TANGO6: variants seen among roughly 807,000 people sequenced by gnomAD.
TANGO6 encodes the protein transport and golgi organization 6 homolog.
Under a neutral mutation model 114.2 loss-of-function variants are expected in TANGO6, and 90 were observed. The observed-to-expected ratio is 0.79, with a 90% CI of 0.66 to 0.94. The LOEUF is 0.94. Among genes scored for constraint, TANGO6 ranks in the 40% least tolerant of loss-of-function variants. TANGO6 has a pLI of 0.00. For synonymous variants in TANGO6, 477 were observed against 509.8 expected, an observed-to-expected ratio of 0.94 and a Z score of 0.87; for missense variants, 1,274 against 1,315.3, an observed-to-expected ratio of 0.97 and a Z score of 0.49.
intron 17 of TANGO6, among the ~76,000 whole-genome samples, chr16:69,051,400 G>A (rs1406333502): frequency 6.6e-6 from 1 of 152,100 alleles, no homozygotes; most frequent in Non-Finnish European, 1.5e-5. Flanking sequence ...AAAAGGCTGG[G>A]CACAATGACT....
chr16:68,913,672 G>C (rs1476472946), intron 11 of TANGO6, among the ~76,000 whole-genome samples: 3 of 151,786 alleles, frequency 2.0e-5, no homozygotes, highest in Non-Finnish European at 4.4e-5. Flanking sequence ...GCCTCCCAAA[G>C]TGCTGGGATT....
intron 3 of TANGO6, among the ~76,000 whole-genome samples, chr16:68,863,312 C>T (rs1023162018): frequency 5.9e-5 from 9 of 152,076 alleles, no homozygotes; most frequent in African/African-American, 2.2e-4. Flanking sequence ...TTTTTTAAGA[C>T]TTATGGCAAT....
chr16:69,054,449 G>A (rs1167471099), intron 17 of TANGO6, among the ~76,000 whole-genome samples: 1 of 152,162 alleles, frequency 6.6e-6, no homozygotes. Flanking sequence ...CTGAGATTCT[G>A]TGGTACGTTA....
At chr16:68,954,288 G>A (rs1395426160) in intron 14 of TANGO6, among the ~76,000 whole-genome samples, 1 of 150,282 alleles carries the variant, frequency 6.7e-6, no homozygotes, top group Non-Finnish European at 1.5e-5. Flanking sequence ...AAAGAGTGTT[G>A]TAGGATGCGA....
chr16:69,008,141 A>C (rs1964111709), intron 15 of TANGO6, among the ~76,000 whole-genome samples: 1 of 151,624 alleles, frequency 6.6e-6, no homozygotes, highest in Admixed American at 6.6e-5. Flanking sequence ...GAAAAAATAG[A>C]CTTTTTTTTT....
intron 12 of TANGO6, among the ~76,000 whole-genome samples, chr16:68,921,631 G>A (rs62055811): frequency 3.1e-5 from 2 of 65,480 alleles, no homozygotes; most frequent in Non-Finnish European, 5.6e-5. Flanking sequence ...TTTTTTTTTG[G>A]CTTCTCTTTA....
chr16:68,846,565 G>C, intron 1 of TANGO6: 1 of 253,520 alleles, frequency 3.9e-6, no homozygotes, highest in South Asian at 3.5e-5. Flanking sequence ...GTGCGATCTC[G>C]GCTCACTGCA....
At chr16:69,037,689 T>C (rs1959711379) in intron 16 of TANGO6, among the ~76,000 whole-genome samples, 1 of 152,162 alleles carries the variant, frequency 6.6e-6, no homozygotes, top group South Asian at 2.1e-4. Flanking sequence ...ACTGCTGGCC[T>C]TAGGGTGGGG....
intron 16 of TANGO6, among the ~76,000 whole-genome samples, chr16:69,033,335 C>T (rs890160970): frequency 1.3e-5 from 2 of 152,150 alleles, no homozygotes; most frequent in Admixed American, 6.5e-5. Flanking sequence ...CTTGTCTTTG[C>T]GAACAGAAGG....
At chr16:69,064,801 A>G (rs1216106747) in intron 17 of TANGO6, among the ~76,000 whole-genome samples, 1 of 152,326 alleles carries the variant, frequency 6.6e-6, no homozygotes, top group East Asian at 1.9e-4. Context: ...AATGACTGAA[A>G]TGTAGTAAAC....
intron 14 of TANGO6, among the ~76,000 whole-genome samples, chr16:68,942,012 C>T (rs1216109027): frequency 6.6e-6 from 1 of 151,808 alleles, no homozygotes; most frequent in Admixed American, 6.6e-5. Context: ...TTTATTTAAC[C>T]AGCGTGATAA....
chr16:69,029,895 G>A (rs1425362369), intron 16 of TANGO6, among the ~76,000 whole-genome samples: 1 of 151,262 alleles, frequency 6.6e-6, no homozygotes. Flanking sequence ...ATCACCTAAG[G>A]TCAGGAGTTC....
chr16:69,022,049 C>G (rs1292334977), intron 15 of TANGO6, among the ~76,000 whole-genome samples: 1 of 151,838 alleles, frequency 6.6e-6, no homozygotes, highest in Non-Finnish European at 1.5e-5. Flanking sequence ...CCACGCCCGG[C>G]TAATTTTTTA....
chr16:69,045,994 G>T (rs1321444048), intron 17 of TANGO6, among the ~76,000 whole-genome samples: 1 of 146,002 alleles, frequency 6.8e-6, no homozygotes, highest in Non-Finnish European at 1.5e-5. Flanking sequence ...ACCCTAAGAG[G>T]CAGAGGTTAC....
At position 68,928,034 on chromosome 16, in the gene TANGO6, T is replaced by C; in HGVS notation, c.2594T>C (p.Ile865Thr). Residue 865 changes from isoleucine (I) to threonine (T), a missense_variant, in exon 13 of 18, where the codon ATA becomes ACA. By Grantham distance (89) the Ile-to-Thr change is moderately conservative. Coordinates refer to ENST00000261778, the MANE Select transcript of TANGO6 (RefSeq NM_024562.2). ...AAALRTLSHW[I>T]EQREAKALEM... ...GCCCTGCGTACTCTTTCCCACTGGA[T>C]AGAGCAGAGAGAAGCAAAAGCCCTT... 1 of 1,603,002 alleles carries C rather than the reference T, an allele frequency of 6.2e-7. No individual in the cohort carries two copies. The highest frequency in any genetic ancestry group is 1.3e-5 in the African/African-American group (1 of 74,866).
chr16:69,008,045 C>G (rs1335991977), intron 15 of TANGO6, among the ~76,000 whole-genome samples: 1 of 151,962 alleles, frequency 6.6e-6, no homozygotes, highest in Non-Finnish European at 1.5e-5. Flanking sequence ...AAGTCCCTTA[C>G]ACTTATATGA....
At chr16:69,011,918 C>G (rs1281586399) in intron 15 of TANGO6, among the ~76,000 whole-genome samples, 1 of 152,146 alleles carries the variant, frequency 6.6e-6, no homozygotes, top group Non-Finnish European at 1.5e-5. Context: ...TTTCACAATG[C>G]CAGAATTGAT....
In TANGO6 at chr16:68,934,692, G is replaced by A. The variant is rs1300989833; in HGVS notation, c.2701+4397G>A. Among the ~76,000 whole-genome samples the A allele has an allele frequency of 2.0e-5, 3 of 152,168 alleles. No individual in the cohort carries two copies. In the East Asian group the frequency reaches 5.8e-4, roughly 29 times the overall value. On this transcript the variant is annotated intron_variant, in intron 14 of 17. Transcript: ENST00000261778. The stretch of plus-strand genomic sequence containing the variant: ...ATAATTCAGAAGTTTCAGAACACAA[G>A]TCATCCTGTACTTTCCCCAAGAAAC...
At chr16:68,848,090 G>T (rs533391815) in intron 1 of TANGO6, among the ~76,000 whole-genome samples, 1 of 147,886 alleles carries the variant, frequency 6.8e-6, no homozygotes, top group Non-Finnish European at 1.5e-5. Flanking sequence ...CTCTCTCTCT[G>T]TTTCTCTCTC....
Sources: allele counts gnomAD v4.1 joint callset (sites outside exome capture counted in the v4.1 genomes callset), GRCh38; gene constraint gnomAD v4.1.1; transcripts MANE v1.5; gene names NCBI Gene and HGNC (gene_info 2026-07-23, HGNC 2026-07-21).